UTP20: variants seen among roughly 807,000 people sequenced by gnomAD.
UTP20 encodes small subunit processome component 20 homolog.
Under a neutral mutation model 329.5 loss-of-function variants are expected in UTP20, and 164 were observed. The observed-to-expected ratio is 0.50, with a 90% CI of 0.44 to 0.57. The LOEUF is 0.57. Among genes scored for constraint, UTP20 ranks in the 20% least tolerant of loss-of-function variants. The pLI is 0.00. For synonymous variants in UTP20, 1,151 were observed against 1,159.3 expected (o/e 0.99, Z 0.14); for missense variants, 3,055 against 3,284.2 (o/e 0.93, Z 1.71).
Position 101,302,563 on chromosome 12 carries a change from C to T in UTP20, c.1781+10C>T. On this transcript the variant is annotated intron_variant, in intron 15 of 61. Transcript: ENST00000261637. ...TGAAGAATTTAGTATTGTAAGTAAA[C>T]ATCTTCCAGTTGGTTTAGTAATGAA... The T allele has an allele frequency of 4.5e-6, 7 of 1,549,092 alleles. No individual in the cohort carries two copies. Among genetic ancestry groups the T allele is most frequent in the Non-Finnish European group, 6.2e-6 (7 of 1,136,146 alleles).
intron 12 of UTP20, among the ~76,000 whole-genome samples, chr12:101,298,111 T>C (rs775890755): frequency 1.3e-5 from 2 of 152,192 alleles, no homozygotes; most frequent in Non-Finnish European, 2.9e-5. Context: ...ATAATAAATG[T>C]GAAAAGACTC....
At chr12:101,282,105 C>A (rs1871819171) in intron 2 of UTP20, among the ~76,000 whole-genome samples, 1 of 152,206 alleles carries the variant, frequency 6.6e-6, no homozygotes, top group Non-Finnish European at 1.5e-5. Flanking sequence ...GATCCAATCT[C>A]AGTTCGTAAT....
chr12:101,340,937 C>CTTTTTTTTTTTTTTTTTTTTT (rs71091488), intron 32 of UTP20, among the ~76,000 whole-genome samples: 4 of 83,020 alleles, frequency 4.8e-5, no homozygotes, highest in Admixed American at 3.0e-4. Flanking sequence ...ATTGTGTAAT[C>CTTTTTTTTTTTTTTTTTTTTT]TTTTTTTTTT....
intron 21 of UTP20, among the ~76,000 whole-genome samples, chr12:101,314,756 G>A (rs1185838979): frequency 6.6e-6 from 1 of 152,150 alleles, no homozygotes; most frequent in African/African-American, 2.4e-5. Context: ...AGGGATGTAG[G>A]TGGAGGGAAA....
chr12:101,342,657 A>T (rs1358897365), intron 33 of UTP20, 68 bp downstream of exon 33: 1 of 1,548,728 alleles, frequency 6.5e-7, no homozygotes, highest in Non-Finnish European at 8.8e-7. Context: ...TGTAAACCAT[A>T]TTAGGGGCTT....
Position 101,302,435 on chromosome 12 carries a change from T to C in UTP20, c.1676-13T>C, listed in dbSNP as rs1872544023. The C allele has an allele frequency of 3.3e-6, 5 of 1,529,178 alleles. No individual in the cohort carries two copies. Among genetic ancestry groups the C allele is most frequent in the Non-Finnish European group, 3.6e-6 (4 of 1,110,654 alleles). The allele number at this position is 1,529,178 out of a possible 1,614,324, so 94.7% of individuals were successfully genotyped here. A position where few individuals can be genotyped will look rare whatever the true frequency, so the allele number is the denominator to read the frequency against. On this transcript the variant is annotated splice_polypyrimidine_tract_variant and intron_variant, in intron 14 of 61. Coordinates refer to ENST00000261637, the MANE Select transcript of UTP20 (RefSeq NM_014503.3). The stretch of plus-strand genomic sequence containing the variant: ...AATAAGTAATGTGGTTTCTCCTGTT[T>C]TTCTGCCCTTAGGAAACTTATTTGT...
intron 51 of UTP20, among the ~76,000 whole-genome samples, chr12:101,372,590 C>G (rs1299799194): frequency 1.3e-5 from 2 of 152,236 alleles, no homozygotes; most frequent in Admixed American, 1.3e-4. Context: ...ACAGAGAGAT[C>G]AGCTTCCAAC....
At chr12:101,294,229 G>A (rs895808183) in intron 11 of UTP20, among the ~76,000 whole-genome samples, 6 of 151,996 alleles carry the variant, frequency 3.9e-5, no homozygotes, top group African/African-American at 1.2e-4. Flanking sequence ...TGGAGATGGG[G>A]TTTCACCATG....
chr12:101,345,412 C>T, intron 36 of UTP20, 142 bp from the exon 37 acceptor site: 1 of 599,556 alleles, frequency 1.7e-6, no homozygotes, highest in Non-Finnish European at 2.8e-6. Flanking sequence ...TCCTCAAACT[C>T]CTGGGCTCAA....
At position 101,280,178 on chromosome 12, in the gene UTP20, T is replaced by C. The variant is rs1478331219; in HGVS notation, c.-105T>C. 1.4e-6 allele frequency: 2 copies of C among 1,413,592 alleles called. No individual in the cohort carries two copies. The highest frequency in any genetic ancestry group is 2.6e-5 in the East Asian group (1 of 39,056). The allele number at this position is 1,413,592 out of a possible 1,614,324, so 87.6% of individuals were successfully genotyped here. A position where few individuals can be genotyped will look rare whatever the true frequency, so the allele number is the denominator to read the frequency against. ...CCGCACGTGAGAAAGTCTGGGCATC[T>C]GGGAATCGGAGAGTATAGCCTGTGA... is the stretch of plus-strand genomic sequence containing the variant. On this transcript the variant is annotated 5_prime_UTR_variant, in exon 1 of 62. Transcript: ENST00000261637.
chr12:101,344,677 A>C lies in UTP20; in HGVS notation c.4532A>C (p.Glu1511Ala), dbSNP rs775161803. 42 of 1,608,228 alleles carry C rather than the reference A, an allele frequency of 2.6e-5. No individual in the cohort carries two copies. Among genetic ancestry groups the C allele is most frequent in the Non-Finnish European group, 3.6e-5 (42 of 1,174,688 alleles). The part of the protein sequence containing the change: ...IKKLAALNVT[E>A]KDYREIIHRS... ...AAGCTAGCTGCCTTGAATGTCACAG[A>C]GAAAGACTATAGAGAAATCATCCAC... Residue 1511 changes from glutamate to alanine, a missense_variant, in exon 36 of 62, where the codon GAG becomes GCG. Coordinates refer to ENST00000261637, the MANE Select transcript of UTP20 (RefSeq NM_014503.3).
chr12:101,301,347 C>G (rs892144355), intron 14 of UTP20, among the ~76,000 whole-genome samples: 20 of 38,380 alleles, frequency 5.2e-4, no homozygotes, highest in African/African-American at 3.7e-3. Context: ...TAGTGAGAGC[C>G]CCCCCCGCCC....
chr12:101,302,003 T>G (rs879552641), intron 14 of UTP20, among the ~76,000 whole-genome samples: 2 of 152,226 alleles, frequency 1.3e-5, no homozygotes, highest in Non-Finnish European at 2.9e-5. Context: ...CATGGCTTAC[T>G]GCATGCAGCC....
At position 101,378,347 on chromosome 12, in the gene UTP20, C is replaced by CA. The variant is rs149777662; in HGVS notation, c.7397-1023dup. On this transcript the variant is annotated intron_variant, in intron 56 of 61. Transcript: ENST00000261637. ...CTTCAGTAAGTAAATGATAGCTTTA[C>CA]AGGCAGCTACTTGGAGCCACCAATT... 8.8e-3 allele frequency among the ~76,000 whole-genome samples: 1,343 copies of CA among 152,306 alleles called. 25 individuals carry two copies. The highest frequency in any genetic ancestry group is 0.031 in the African/African-American group (1,287 of 41,554).
At chr12:101,366,738 G>T (rs1362594887) in intron 47 of UTP20, 39 bp downstream of exon 47, 7 of 1,596,726 alleles carry the variant, frequency 4.4e-6, no homozygotes, top group Non-Finnish European at 6.0e-6. Flanking sequence ...CTACTTTCAG[G>T]GAGTCTGCAC....
intron 48 of UTP20, among the ~76,000 whole-genome samples, chr12:101,369,211 T>G (rs1279487912): frequency 6.6e-6 from 1 of 152,196 alleles, no homozygotes; most frequent in Non-Finnish European, 1.5e-5. Flanking sequence ...GTAGATTACA[T>G]TAAAGTACCA....
At chr12:101,308,985 G>A (rs919413715) in intron 18 of UTP20, among the ~76,000 whole-genome samples, 3 of 151,986 alleles carry the variant, frequency 2.0e-5, no homozygotes, top group Admixed American at 6.6e-5. Context: ...CGCCCTCCTC[G>A]GCGTCCCAAA....
At chr12:101,372,476 A>G (rs1316008576) in intron 51 of UTP20, among the ~76,000 whole-genome samples, 3 of 152,244 alleles carry the variant, frequency 2.0e-5, no homozygotes, top group Non-Finnish European at 4.4e-5. Flanking sequence ...TGCATTAGTT[A>G]TTATTATCAG....
At chr12:101,362,652 G>A (rs958719431) in intron 44 of UTP20, among the ~76,000 whole-genome samples, 5 of 132,848 alleles carry the variant, frequency 3.8e-5, no homozygotes, top group Admixed American at 2.1e-4. Flanking sequence ...TGCAGTGAGC[G>A]CAGACCGCGC....
Sources: allele counts gnomAD v4.1 joint callset (sites outside exome capture counted in the v4.1 genomes callset), GRCh38; gene constraint gnomAD v4.1.1; transcripts MANE v1.5; gene names NCBI Gene and HGNC (gene_info 2026-07-23, HGNC 2026-07-21).